Variants in SCARB1 observed in about 807,000 individuals in gnomAD.
The protein encoded by SCARB1 is CD36 and LIMPII analogous 1.
Under a neutral mutation model 57.2 loss-of-function variants are expected in SCARB1, and 30 were observed. That is an observed-to-expected ratio of 0.52 (90% CI 0.39 to 0.71). SCARB1 has a LOEUF of 0.71. SCARB1 is among the 30% of genes least tolerant of loss of function. The pLI, the probability that SCARB1 is intolerant of heterozygous loss-of-function variation, is 0.00. For missense variants in SCARB1, 543 were observed against 671.2 expected, an observed-to-expected ratio of 0.81 and a Z score of 2.11; for synonymous variants, 249 against 268.3, an observed-to-expected ratio of 0.93 and a Z score of 0.70.
chr12:124,797,603 T>C (rs1482614723), intron 8 of SCARB1, among the ~76,000 whole-genome samples: 1 of 152,174 alleles, frequency 6.6e-6, no homozygotes, highest in East Asian at 1.9e-4. Context: ...CTTAACCCCT[T>C]CTTTCTTGAT....
intron 7 of SCARB1, among the ~76,000 whole-genome samples, chr12:124,803,799 C>T (rs760783232): frequency 6.7e-6 from 1 of 149,022 alleles, no homozygotes; most frequent in Non-Finnish European, 1.5e-5. Context: ...GTGGGAGAAT[C>T]ATTTGTGCCC....
At chr12:124,859,992 G>A (rs1952827547) in intron 1 of SCARB1, among the ~76,000 whole-genome samples, 1 of 132,176 alleles carries the variant, frequency 7.6e-6, no homozygotes, top group African/African-American at 2.9e-5. Context: ...ACTCTATTAC[G>A]CAGGCTGGAG....
chr12:124,830,500 A>C (rs4765618), intron 1 of SCARB1, among the ~76,000 whole-genome samples: 99,576 of 152,078 alleles, frequency 0.65, 33,367 homozygotes, highest in African/African-American at 0.79. Context: ...TGCTACCCAG[A>C]GACAAAAGGG....
chr12:124,820,836 G>A (rs1206556844), intron 1 of SCARB1, among the ~76,000 whole-genome samples: 1 of 152,224 alleles, frequency 6.6e-6, no homozygotes, highest in African/African-American at 2.4e-5. Flanking sequence ...TTCAGCACCT[G>A]GATCTCAGGG....
At chr12:124,786,199 C>A (rs1487036307) in intron 11 of SCARB1, 158 bp downstream of exon 11, 1 of 1,595,474 alleles carries the variant, frequency 6.3e-7, no homozygotes, top group Admixed American at 1.7e-5. Flanking sequence ...GCTGCGCAGC[C>A]CCCAGCAGTG....
chr12:124,804,956 C>T (rs928216479), intron 7 of SCARB1, among the ~76,000 whole-genome samples: 1 of 152,218 alleles, frequency 6.6e-6, no homozygotes, highest in African/African-American at 2.4e-5. Flanking sequence ...TATTCAAATA[C>T]TGTATGAGTA....
chr12:124,807,661 C>T lies in SCARB1; in HGVS notation c.1009+100G>A. The T allele has an allele frequency of 8.6e-7, 1 of 1,160,280 alleles. No homozygotes were observed. The allele number at this position is 1,160,280 out of a possible 1,614,324, so 71.9% of individuals were successfully genotyped here. On this transcript the variant is annotated intron_variant, in intron 7 of 12. Coordinates refer to ENST00000261693, the MANE Select transcript of SCARB1 (RefSeq NM_005505.5). This position sits in a 1 kb window ranked among gnomAD's most constrained non-coding sequence, Gnocchi z 5.3. The stretch of plus-strand genomic sequence containing the variant: ...TCGCCTAATGGGATTATCAAGAGTA[C>T]AGAGGCCAGAGATTAAGCAGACAGC...
Position 124,817,032 on chromosome 12 carries a change from GTGTGTGTGTGTGTGTGTA to G in SCARB1, c.284+500_284+517del, listed in dbSNP as rs780092278. Among the ~76,000 whole-genome samples the G allele has an allele frequency of 2.0e-4, 29 of 142,002 alleles. No homozygotes were observed. In the South Asian group the frequency reaches 6.1e-3, roughly 30 times the overall value. The allele number at this position is 142,002 out of a possible 152,430, so 93.2% of individuals were successfully genotyped here. A position where few individuals can be genotyped will look rare whatever the true frequency, so the allele number is the denominator to read the frequency against. On this transcript the variant is annotated intron_variant, in intron 2 of 12. Transcript: ENST00000261693. The surrounding 1 kb of genome is among the most constrained non-coding windows in gnomAD (Gnocchi z 4.8). ...CTCCTGGTCATGCATGTGTGTGTGT[GTGTGTGTGTGTGTGTGTA>G]TGTGTGTATGCATGTGTAGGTACAT...
At chr12:124,784,029 T>A (rs747780897) in intron 11 of SCARB1, 6 of 152,230 alleles carry the variant, frequency 3.9e-5, no homozygotes, top group Non-Finnish European at 5.9e-5. Flanking sequence ...CCTCCTTCCC[T>A]GTCCCCATTC....
Position 124,778,182 on chromosome 12 carries a change from A to G in SCARB1, c.*405T>C, listed in dbSNP as rs1872686001. On this transcript the variant is annotated 3_prime_UTR_variant, in exon 13 of 13. Transcript: ENST00000261693. Reference sequence around the variant, plus strand: ...CTGCATGGGGAGCCACCACACCGGGACTGCAGTGTTTCACCTTGGAGGGGA... The same window carrying G: ...CTGCATGGGGAGCCACCACACCGGGGCTGCAGTGTTTCACCTTGGAGGGGA... The G allele has an allele frequency of 3.0e-6, 1 of 331,980 alleles. No homozygotes were observed. The highest frequency in any genetic ancestry group is 5.4e-6 in the Non-Finnish European group (1 of 184,880). The allele number at this position is 331,980 out of a possible 1,614,324, so 20.6% of individuals were successfully genotyped here.
At chr12:124,859,977 G>T (rs1482123532) in intron 1 of SCARB1, among the ~76,000 whole-genome samples, 1 of 130,238 alleles carries the variant, frequency 7.7e-6, no homozygotes, top group Non-Finnish European at 1.6e-5. Context: ...TTGAGATGGA[G>T]TCTCACTCTA....
At chr12:124,841,803 T>C (rs1206072716) in intron 1 of SCARB1, among the ~76,000 whole-genome samples, 1 of 152,178 alleles carries the variant, frequency 6.6e-6, no homozygotes, top group African/African-American at 2.4e-5. Context: ...AGTGGCTCCA[T>C]GTCAGCTCAC....
intron 7 of SCARB1, among the ~76,000 whole-genome samples, chr12:124,801,290 G>C (rs1389305619): frequency 6.6e-6 from 1 of 152,172 alleles, no homozygotes; most frequent in Non-Finnish European, 1.5e-5. Context: ...CAGGGGCTGG[G>C]GGAGGGGGCG....
chr12:124,802,608 A>G (rs1274051957), intron 7 of SCARB1, among the ~76,000 whole-genome samples: 1 of 152,216 alleles, frequency 6.6e-6, no homozygotes, highest in Non-Finnish European at 1.5e-5. Context: ...CTTGCTTCAG[A>G]GGCCGAGCCT....
At chr12:124,802,419 AT>A (rs1462971897) in intron 7 of SCARB1, among the ~76,000 whole-genome samples, 3 of 152,098 alleles carry the variant, frequency 2.0e-5, no homozygotes, top group African/African-American at 7.2e-5. Flanking sequence ...TTCTGAAGCC[AT>A]CCCAAGCACC....
In SCARB1 at chr12:124,814,382, A is replaced by C; in HGVS notation, c.450T>G (p.Asn150Lys). The change falls in exon 4 of 13, where the codon AAT becomes AAG. Residue 150 changes from asparagine to lysine, a missense_variant. By Grantham distance (94) the Asn-to-Lys change is moderately conservative. Transcript: ENST00000261693. The surrounding 1 kb of genome is among the most constrained non-coding windows in gnomAD (Gnocchi z 4.7). ...TGATGAGCTTCAGGGTCATGGGCTT[A>C]TTCTCCATCATCACCGCCGCACCCT... is the stretch of plus-strand genomic sequence containing the variant. ...LVLGAAVMME[N>K]KPMTLKLIMT... The C allele has an allele frequency of 6.2e-7, 1 of 1,613,786 alleles. No individual in the cohort carries two copies. Among genetic ancestry groups the C allele is most frequent in the African/African-American group, 1.3e-5 (1 of 75,012 alleles).
chr12:124,817,807 G>T lies in SCARB1; in HGVS notation c.127-100C>A. 1 of 1,307,664 alleles carries T rather than the reference G, an allele frequency of 7.6e-7. No homozygotes were observed. The allele number at this position is 1,307,664 out of a possible 1,614,324, so 81.0% of individuals were successfully genotyped here. On this transcript the variant is annotated intron_variant, in intron 1 of 12. Coordinates refer to ENST00000261693, the MANE Select transcript of SCARB1 (RefSeq NM_005505.5). The surrounding 1 kb of genome is among the most constrained non-coding windows in gnomAD (Gnocchi z 4.8). ...AGCTGCCCGAGCCCGGCCAGGGAAG[G>T]GGCTCCTCGGCGGGAGCTTGGGATA... is the stretch of plus-strand genomic sequence containing the variant.
At chr12:124,805,725 A>ATTTT (rs755476758) in intron 7 of SCARB1, among the ~76,000 whole-genome samples, 180 of 79,516 alleles carry the variant, frequency 2.3e-3, no homozygotes, top group African/African-American at 6.8e-3. Context: ...TGCCTAGCTA[A>ATTTT]TTTTTTTTTT....
At chr12:124,797,444 C>T (rs1226902275) in intron 8 of SCARB1, among the ~76,000 whole-genome samples, 1 of 152,094 alleles carries the variant, frequency 6.6e-6, no homozygotes, top group African/African-American at 2.4e-5. Context: ...CTCCTGATCC[C>T]CCTCCCCAAC....
Sources: allele counts gnomAD v4.1 joint callset (sites outside exome capture counted in the v4.1 genomes callset), GRCh38; gene constraint gnomAD v4.1.1; non-coding constraint Gnocchi (gnomAD v3.1); transcripts MANE v1.5; gene names NCBI Gene and HGNC (gene_info 2026-07-23, HGNC 2026-07-21).